Variants in GRK5 observed in about 807,000 individuals in gnomAD.
GRK5 encodes g protein-coupled receptor kinase GRK5.
Under a neutral mutation model 78.4 loss-of-function variants are expected in GRK5, and 40 were observed. That is an observed-to-expected ratio of 0.51 (90% CI 0.40 to 0.66). The LOEUF (loss-of-function observed/expected upper bound fraction) is 0.66, where lower values mean the gene tolerates loss of function less well. Ranked by LOEUF, GRK5 falls within the 30% of genes least tolerant of loss-of-function variation. The probability of loss-of-function intolerance (pLI) is 0.00; values close to 1 mark genes in which losing one functional copy is unlikely to be tolerated. For synonymous variants in GRK5, 289 were observed against 296.8 expected (o/e 0.97, Z 0.27); for missense variants, 598 against 759.9 (o/e 0.79, Z 2.50).
rs972663446 is a variant in GRK5 at position 119,452,146 on chromosome 10, C to T, written c.1405-525C>T. On this transcript the variant is annotated intron_variant, in intron 13 of 15. Transcript: ENST00000392870. This position sits in a 1 kb window ranked among gnomAD's most constrained non-coding sequence, Gnocchi z 4.4. Reference sequence around the variant, plus strand: ...CCAGCTCCCAGTTACGGGCGCCAGGCTCGGTGGCCAGCACTGACAGCAGCC... The same window carrying T: ...CCAGCTCCCAGTTACGGGCGCCAGGTTCGGTGGCCAGCACTGACAGCAGCC... Among the ~76,000 whole-genome samples the T allele has an allele frequency of 1.3e-5, 2 of 152,224 alleles. No homozygotes were observed. The highest frequency in any genetic ancestry group is 4.8e-5 in the African/African-American group (2 of 41,456).
chr10:119,364,947 A>AT lies in GRK5; in HGVS notation c.149-15859dup, dbSNP rs201261999. ...ATCATATTCTTTGATCATCCTAATT[A>AT]TTTTTTTTTCTTTTTCCCAGTTATC... On this transcript the variant is annotated intron_variant, in intron 2 of 15. Coordinates refer to ENST00000392870, the MANE Select transcript of GRK5 (RefSeq NM_005308.3). Among the ~76,000 whole-genome samples, 317 of 151,656 alleles carry AT rather than the reference A, an allele frequency of 2.1e-3. 1 individual carries two copies. The highest frequency in any genetic ancestry group is 3.7e-3 in the Non-Finnish European group (252 of 67,864).
chr10:119,326,011 T>C (rs1265154699), intron 1 of GRK5, among the ~76,000 whole-genome samples: 1 of 152,178 alleles, frequency 6.6e-6, no homozygotes, highest in Non-Finnish European at 1.5e-5. Context: ...AAGAAGGCGG[T>C]ACTTGACAAG....
intron 1 of GRK5, among the ~76,000 whole-genome samples, chr10:119,301,349 C>T (rs1850178591): frequency 6.6e-6 from 1 of 152,178 alleles, no homozygotes. Flanking sequence ...AGGCTGGCTC[C>T]TTTCACTCAC....
chr10:119,333,902 G>A (rs1850828039), intron 2 of GRK5: 2 of 518,774 alleles, frequency 3.9e-6, no homozygotes, highest in Non-Finnish European at 7.8e-6. Flanking sequence ...CAGAACCAAG[G>A]CAAAGATCTA....
chr10:119,405,381 T>C (rs1852219553), intron 4 of GRK5, among the ~76,000 whole-genome samples: 1 of 152,000 alleles, frequency 6.6e-6, no homozygotes, highest in African/African-American at 2.4e-5. Flanking sequence ...TAAACAATGA[T>C]AGGGTAAGAC....
intron 1 of GRK5, among the ~76,000 whole-genome samples, chr10:119,225,898 G>A (rs1429819586): frequency 6.6e-6 from 1 of 151,374 alleles, no homozygotes; most frequent in Non-Finnish European, 1.5e-5. Flanking sequence ...ACCCAGGCTG[G>A]TGTGCAGTGG....
At chr10:119,305,640 G>A (rs989124996) in intron 1 of GRK5, among the ~76,000 whole-genome samples, 5 of 152,166 alleles carry the variant, frequency 3.3e-5, no homozygotes, top group African/African-American at 1.2e-4. Context: ...TGAGGACTTG[G>A]CCGGGTGAAG....
intron 1 of GRK5, among the ~76,000 whole-genome samples, chr10:119,265,491 G>A (rs1564869859): frequency 1.3e-5 from 2 of 152,194 alleles, no homozygotes; most frequent in Non-Finnish European, 2.9e-5. Context: ...TTTAGAAGAA[G>A]AAGAAGAGAG....
intron 9 of GRK5, among the ~76,000 whole-genome samples, chr10:119,438,925 G>A (rs1054534193): frequency 5.3e-5 from 8 of 152,214 alleles, no homozygotes; most frequent in South Asian, 2.1e-4. Flanking sequence ...TAACCACTCC[G>A]CATGAGGACA....
chr10:119,286,822 G>A (rs1291721348), intron 1 of GRK5, among the ~76,000 whole-genome samples: 1 of 152,184 alleles, frequency 6.6e-6, no homozygotes, highest in African/African-American at 2.4e-5. Flanking sequence ...AAGGCCGATT[G>A]TTTTTATCTG....
chr10:119,244,754 C>G (rs1349881823), intron 1 of GRK5, among the ~76,000 whole-genome samples: 1 of 151,954 alleles, frequency 6.6e-6, no homozygotes, highest in African/African-American at 2.4e-5. Flanking sequence ...AAACAAAAAC[C>G]CAAAAAACCA....
chr10:119,423,750 G>A (rs1379963956), intron 5 of GRK5, among the ~76,000 whole-genome samples: 1 of 152,122 alleles, frequency 6.6e-6, no homozygotes, highest in African/African-American at 2.4e-5. Context: ...CACACACTCT[G>A]AAGGCATGAG....
At position 119,455,539 on chromosome 10, in the gene GRK5, C is replaced by CAAA; in HGVS notation, c.*483_*485dup. ...GGCATTTTAGCGGGGAGGGGGTTAT[C>CAAA]AAAAAAAAAAAAATGTGACTCAAGA... On this transcript the variant is annotated 3_prime_UTR_variant, in exon 16 of 16. Coordinates refer to ENST00000392870, the MANE Select transcript of GRK5 (RefSeq NM_005308.3). 1.3e-5 allele frequency: 3 copies of CAAA among 227,796 alleles called. No homozygotes were observed. Among genetic ancestry groups the CAAA allele is most frequent in the Non-Finnish European group, 2.5e-5 (3 of 118,604 alleles). 14.1% of individuals were successfully genotyped at this position (227,796 alleles called of 1,614,324 possible).
At chr10:119,364,738 G>A (rs1404269383) in intron 2 of GRK5, among the ~76,000 whole-genome samples, 1 of 152,216 alleles carries the variant, frequency 6.6e-6, no homozygotes, top group Non-Finnish European at 1.5e-5. Context: ...GCCTGTCTCT[G>A]TGACTGTATT....
At chr10:119,322,427 C>T (rs151333350) in intron 1 of GRK5, among the ~76,000 whole-genome samples, 147 of 152,324 alleles carry the variant, frequency 9.7e-4, no homozygotes, top group African/African-American at 3.4e-3. Context: ...CCTGGGAGGC[C>T]GTCGCTGGGG....
intron 2 of GRK5, among the ~76,000 whole-genome samples, chr10:119,343,984 C>T (rs888990182): frequency 2.6e-5 from 4 of 152,186 alleles, no homozygotes; most frequent in African/African-American, 7.2e-5. Context: ...ATGACGGTAG[C>T]GCTAAGGCTC....
At chr10:119,361,554 G>T (rs1851362864) in intron 2 of GRK5, among the ~76,000 whole-genome samples, 1 of 152,220 alleles carries the variant, frequency 6.6e-6, no homozygotes, top group Admixed American at 6.5e-5. Context: ...TAAGCAATCA[G>T]CCAAGCGGAT....
intron 1 of GRK5, among the ~76,000 whole-genome samples, chr10:119,324,917 G>T (rs181745491): frequency 1.3e-5 from 2 of 152,100 alleles, no homozygotes; most frequent in Non-Finnish European, 2.9e-5. Flanking sequence ...TGCCCAATAC[G>T]CATTCCTTCT....
intron 1 of GRK5, among the ~76,000 whole-genome samples, chr10:119,294,511 T>C (rs1448133230): frequency 6.6e-6 from 1 of 152,092 alleles, no homozygotes; most frequent in East Asian, 1.9e-4. Flanking sequence ...CTCCAAATGC[T>C]CTTGTTCTCA....
Sources: gnomAD v4.1 joint callset for allele counts (sites outside exome capture counted in the v4.1 genomes callset) on GRCh38, gnomAD v4.1.1 for gene constraint, Gnocchi (gnomAD v3.1) non-coding constraint, MANE v1.5 for transcripts, NCBI Gene and HGNC (gene_info 2026-07-23, HGNC 2026-07-21) for gene names.